PBX1: variants seen among roughly 807,000 people sequenced by gnomAD.
PBX1 encodes pre-B-cell leukemia transcription factor 1.
A neutral mutation model predicts 53.4 loss-of-function variants in PBX1; 6 were observed. The observed-to-expected ratio is 0.11, with a 90% CI of 0.06 to 0.22. The LOEUF is 0.22. PBX1 is among the 10% of genes least tolerant of loss of function. PBX1 has a pLI of 1.00. For missense variants in PBX1, 251 were observed against 551.4 expected (o/e 0.46, Z 5.46); for synonymous variants, 204 against 212.3 (o/e 0.96, Z 0.34).
At chr1:164,662,508 C>G (rs1177840754) in intron 2 of PBX1, among the ~76,000 whole-genome samples, 1 of 152,108 alleles carries the variant, frequency 6.6e-6, no homozygotes, top group East Asian at 1.9e-4. Flanking sequence ...TATGCATTTC[C>G]TCAGTCAGTT....
intron 2 of PBX1, among the ~76,000 whole-genome samples, chr1:164,732,067 C>T (rs1324441789): frequency 1.3e-5 from 2 of 152,192 alleles, no homozygotes; most frequent in Non-Finnish European, 1.5e-5. Context: ...ATGCACGAAG[C>T]ACCAGCCTTT....
chr1:164,600,246 C>CCTTT (rs1656065032), intron 2 of PBX1, among the ~76,000 whole-genome samples: 1 of 121,818 alleles, frequency 8.2e-6, no homozygotes, highest in African/African-American at 2.9e-5. Flanking sequence ...TATGCTGCTG[C>CCTTT]TTTTTTTTTT....
intron 2 of PBX1, among the ~76,000 whole-genome samples, chr1:164,696,091 T>G (rs1031376376): frequency 6.6e-6 from 1 of 152,166 alleles, no homozygotes; most frequent in Admixed American, 6.6e-5. Flanking sequence ...CAGTCGTTAT[T>G]TGAGCATAGA....
intron 8 of PBX1, among the ~76,000 whole-genome samples, chr1:164,836,511 T>C (rs1235673303): frequency 2.6e-5 from 4 of 152,198 alleles, no homozygotes; most frequent in African/African-American, 9.6e-5. Context: ...CTTGAGCACA[T>C]AGATTGTTTT....
intron 2 of PBX1, among the ~76,000 whole-genome samples, chr1:164,761,532 C>T (rs1190229500): frequency 2.0e-5 from 3 of 152,040 alleles, no homozygotes; most frequent in Non-Finnish European, 2.9e-5. Context: ...GCAAGCTCCG[C>T]CTCCCAGGTT....
At chr1:164,560,293 C>T (rs1403264385) in intron 1 of PBX1, 6 of 399,774 alleles carry the variant, frequency 1.5e-5, no homozygotes, top group Non-Finnish European at 2.2e-5. Flanking sequence ...CACAGGCATG[C>T]CGAAAATACT....
At chr1:164,594,222 A>G (rs1016175439) in intron 2 of PBX1, among the ~76,000 whole-genome samples, 4 of 152,028 alleles carry the variant, frequency 2.6e-5, no homozygotes, top group African/African-American at 9.7e-5. Flanking sequence ...GAAGCACAAG[A>G]TGAAACACAG....
At chr1:164,607,125 C>T (rs560417437) in intron 2 of PBX1, among the ~76,000 whole-genome samples, 253 of 152,092 alleles carry the variant, frequency 1.7e-3, no homozygotes, top group African/African-American at 5.5e-3. Flanking sequence ...TTATGCCAGG[C>T]GAGGAATTTT....
intron 2 of PBX1, chr1:164,683,894 C>T (rs766066661): frequency 1.3e-5 from 2 of 152,080 alleles, no homozygotes; most frequent in Non-Finnish European, 2.9e-5. Context: ...TCATAGTTCA[C>T]TTCAGCCTCT....
At chr1:164,826,392 T>TTTTG (rs933549179) in intron 8 of PBX1, among the ~76,000 whole-genome samples, 5 of 152,082 alleles carry the variant, frequency 3.3e-5, no homozygotes, top group Non-Finnish European at 7.4e-5. Flanking sequence ...GGTAAACCTT[T>TTTTG]TTTGTTTGTT....
chr1:164,567,456 C>T (rs1426789828), intron 2 of PBX1, among the ~76,000 whole-genome samples: 2 of 150,974 alleles, frequency 1.3e-5, no homozygotes, highest in Non-Finnish European at 2.9e-5. Flanking sequence ...TTTTCTCCCT[C>T]CTGGTAAAGA....
chr1:164,870,267 T>TTCCTTCCC (rs1672330352), intron 2 of PBX1, among the ~76,000 whole-genome samples: 1 of 18,738 alleles, frequency 5.3e-5, no homozygotes, highest in Non-Finnish European at 1.6e-4. Context: ...CCTTCCTTCC[T>TTCCTTCCC]TCTTTCTTTC....
intron 2 of PBX1, chr1:164,626,122 T>C: frequency 9.8e-7 from 1 of 1,022,052 alleles, no homozygotes; most frequent in Non-Finnish European, 1.2e-6. Flanking sequence ...CTTTGCAGGC[T>C]GAATGGCCAG....
At chr1:164,608,637 A>G (rs1656709762) in intron 2 of PBX1, among the ~76,000 whole-genome samples, 1 of 152,234 alleles carries the variant, frequency 6.6e-6, no homozygotes, top group Admixed American at 6.5e-5. Context: ...AAGAAAGCAA[A>G]CACTGAGCCA....
At chr1:164,681,434 AT>A (rs1046586429) in intron 2 of PBX1, among the ~76,000 whole-genome samples, 3 of 152,198 alleles carry the variant, frequency 2.0e-5, no homozygotes, top group African/African-American at 7.2e-5. Flanking sequence ...AAAACTAAGC[AT>A]TTAAAATAAA....
At chr1:164,691,231 C>G (rs1242923754) in intron 2 of PBX1, among the ~76,000 whole-genome samples, 1 of 151,826 alleles carries the variant, frequency 6.6e-6, no homozygotes, top group East Asian at 1.9e-4. Context: ...GCCAACTGGT[C>G]TCGAACTCCC....
chr1:164,744,282 G>A (rs754224020), intron 2 of PBX1, among the ~76,000 whole-genome samples: 14 of 152,148 alleles, frequency 9.2e-5, no homozygotes, highest in Non-Finnish European at 1.8e-4. Flanking sequence ...TAACTTTGGA[G>A]GAATTTCTCT....
At chr1:164,875,458 A>C (rs1431849484) in intron 2 of PBX1, among the ~76,000 whole-genome samples, 2 of 152,052 alleles carry the variant, frequency 1.3e-5, no homozygotes, top group Non-Finnish European at 1.5e-5. Context: ...GTGTGCCACC[A>C]TGCCCAGCTA....
intron 8 of PBX1, among the ~76,000 whole-genome samples, chr1:164,828,059 G>T (rs942213956): frequency 6.6e-6 from 1 of 152,126 alleles, no homozygotes; most frequent in Non-Finnish European, 1.5e-5. Context: ...ATGACAGAAG[G>T]GGGGAATTTA....
Sources: gnomAD v4.1 joint callset for allele counts (sites outside exome capture counted in the v4.1 genomes callset) on GRCh38, gnomAD v4.1.1 for gene constraint, MANE v1.5 for transcripts, NCBI Gene and HGNC (gene_info 2026-07-23, HGNC 2026-07-21) for gene names.